Variants in KCNK10 observed in about 807,000 individuals in gnomAD.
KCNK10 encodes potassium channel subfamily K member 10.
KCNK10 carries 25 observed loss-of-function variants against 47.7 expected under a neutral mutation model. The observed-to-expected ratio is 0.52, with a 90% CI of 0.38 to 0.73. The LOEUF (loss-of-function observed/expected upper bound fraction) is 0.73. KCNK10 is among the 30% of genes least tolerant of loss of function. The pLI is 0.00. For missense variants in KCNK10, 563 were observed against 714.5 expected (o/e 0.79, Z 2.42); for synonymous variants, 303 against 285.6 (o/e 1.06, Z -0.61).
rs145929454 is a variant in KCNK10 at position 88,294,658 on chromosome 14, T to C, written c.52+28089A>G. On this transcript the variant is annotated intron_variant, in intron 1 of 6. Transcript: ENST00000319231. ...CAATCCAAATATACAAACGTCCTCATAGGGCTACATGGGCAAAGGACCACA... is the reference window on the plus strand; with the variant it reads ...CAATCCAAATATACAAACGTCCTCACAGGGCTACATGGGCAAAGGACCACA... 9.2e-4 allele frequency among the ~76,000 whole-genome samples: 140 copies of C among 152,312 alleles called. 2 individuals are homozygous for C. The highest frequency in any genetic ancestry group is 3.3e-3 in the South Asian group (16 of 4,826).
intron 2 of KCNK10, among the ~76,000 whole-genome samples, chr14:88,254,950 T>C (rs551054236): frequency 3.4e-4 from 52 of 152,324 alleles, no homozygotes; most frequent in African/African-American, 1.2e-3. Context: ...CTAGGTTCAC[T>C]CACTCCCCAC....
At chr14:88,263,166 A>T in intron 2 of KCNK10, 36 bp downstream of exon 2, 1 of 1,541,618 alleles carries the variant, frequency 6.5e-7, no homozygotes. Context: ...CATCCACCCC[A>T]CCAGCTGGCC....
At chr14:88,326,367 C>T, upstream of KCNK10, 1 of 1,534,878 alleles carries the variant, frequency 6.5e-7, no homozygotes, top group Non-Finnish European at 9.0e-7. Context: ...CAATCCCCCT[C>T]CATCCCCTTC....
intron 1 of KCNK10, among the ~76,000 whole-genome samples, chr14:88,275,693 CAAAAAAAA>C (rs71126972): frequency 5.0e-4 from 36 of 72,022 alleles, no homozygotes; most frequent in Non-Finnish European, 7.5e-4. Flanking sequence ...GCTAAAAATA[CAAAAAAAA>C]AAAAAAAAAA....
Position 88,192,300 on chromosome 14 carries a change from C to T in KCNK10, c.792G>A (p.Glu264=). 4 of 1,614,150 alleles carry T rather than the reference C, an allele frequency of 2.5e-6. No homozygotes were observed. The highest frequency in any genetic ancestry group is 3.4e-6 in the Non-Finnish European group (4 of 1,180,014). The change falls in exon 5 of 7, where the codon GAG becomes GAA. Residue 264 remains glutamate (E), a synonymous_variant. Coordinates refer to ENST00000319231, the MANE Select transcript of KCNK10 (RefSeq NM_138317.3). ...TIPAVIFKYI[E]GWTALESIYF... ...AAATGGACTCCAAGGCCGTCCAGCC[C>T]TCGATGTACTTAAAGATGACAGCAG...
chr14:88,281,329 G>A (rs1727450821), intron 1 of KCNK10, among the ~76,000 whole-genome samples: 1 of 152,178 alleles, frequency 6.6e-6, no homozygotes, highest in Admixed American at 6.5e-5. Flanking sequence ...CTGTGTCAGA[G>A]GATGCTTAGA....
At chr14:88,277,962 T>G (rs1887561919) in intron 1 of KCNK10, among the ~76,000 whole-genome samples, 1 of 152,210 alleles carries the variant, frequency 6.6e-6, no homozygotes, top group African/African-American at 2.4e-5. Context: ...CCAATCCCAG[T>G]GCACAGTGTA....
intron 4 of KCNK10, among the ~76,000 whole-genome samples, chr14:88,200,039 C>T (rs7155474): frequency 1.1e-4 from 16 of 141,974 alleles, no homozygotes; most frequent in African/African-American, 4.6e-4. Context: ...CTTTCTTTCT[C>T]TCTTTCTTTC....
chr14:88,324,613 GCTTA>G (rs1173845315), upstream of KCNK10, among the ~76,000 whole-genome samples: 1 of 152,124 alleles, frequency 6.6e-6, no homozygotes, highest in Non-Finnish European at 1.5e-5. Flanking sequence ...CCTTCATGGG[GCTTA>G]CTATCTAGTG....
At chr14:88,300,825 G>A (rs2139789711) in intron 1 of KCNK10, among the ~76,000 whole-genome samples, 1 of 150,248 alleles carries the variant, frequency 6.7e-6, no homozygotes. Flanking sequence ...AATTCAGAAG[G>A]TTTTGGACTG....
chr14:88,277,045 T>C (rs1024889098), intron 1 of KCNK10, among the ~76,000 whole-genome samples: 2 of 152,218 alleles, frequency 1.3e-5, no homozygotes, highest in African/African-American at 4.8e-5. Flanking sequence ...TTCTGTAGAA[T>C]GAGGTGTGCC....
intron 1 of KCNK10, among the ~76,000 whole-genome samples, chr14:88,313,393 A>G (rs1490830256): frequency 6.6e-6 from 1 of 152,230 alleles, no homozygotes; most frequent in East Asian, 1.9e-4. Flanking sequence ...ACTGGCGTCT[A>G]ATGAAAAGAA....
intron 1 of KCNK10, among the ~76,000 whole-genome samples, chr14:88,284,254 C>T (rs997718509): frequency 6.6e-6 from 1 of 152,130 alleles, no homozygotes; most frequent in Non-Finnish European, 1.5e-5. Flanking sequence ...TTTGCACTAA[C>T]TAGCCCTGTC....
intron 1 of KCNK10, among the ~76,000 whole-genome samples, chr14:88,310,782 AC>A: frequency 6.6e-6 from 1 of 152,188 alleles, no homozygotes; most frequent in South Asian, 2.1e-4. Flanking sequence ...ATGTTACAAT[AC>A]CTCTGGACAC....
intron 1 of KCNK10, among the ~76,000 whole-genome samples, chr14:88,313,276 A>C (rs1361236226): frequency 2.0e-5 from 3 of 152,196 alleles, no homozygotes; most frequent in Non-Finnish European, 4.4e-5. Context: ...ATAGGAAAAA[A>C]TTCTTACGGT....
At chr14:88,214,897 A>G (rs533828253) in intron 4 of KCNK10, among the ~76,000 whole-genome samples, 10 of 152,336 alleles carry the variant, frequency 6.6e-5, no homozygotes, top group African/African-American at 2.4e-4. Context: ...CCTCTGAGCC[A>G]TCAGATGCTA....
chr14:88,300,387 C>T (rs1311973921), intron 1 of KCNK10, among the ~76,000 whole-genome samples: 1 of 152,182 alleles, frequency 6.6e-6, no homozygotes, highest in African/African-American at 2.4e-5. Flanking sequence ...TTTCATCACT[C>T]CAATTACACT....
chr14:88,301,070 C>T (rs137892074), intron 1 of KCNK10, among the ~76,000 whole-genome samples: 125 of 152,252 alleles, frequency 8.2e-4, no homozygotes, highest in African/African-American at 2.9e-3. Context: ...AAACATTAAT[C>T]GAAAGCTACC....
At position 88,249,027 on chromosome 14, in the gene KCNK10, T is replaced by C. The variant is rs1886720396; in HGVS notation, c.403-8207A>G. ...AAAGTCCTCTCTTTTAACTCTAGCCTTCTATCTTCCACGAATAGTTCTCTG... is the reference window on the plus strand; with the variant it reads ...AAAGTCCTCTCTTTTAACTCTAGCCCTCTATCTTCCACGAATAGTTCTCTG... On this transcript the variant is annotated intron_variant, in intron 2 of 6. Transcript: ENST00000319231. Among the ~76,000 whole-genome samples the C allele has an allele frequency of 2.0e-5, 3 of 152,224 alleles. No homozygotes were observed. The East Asian group carries it at 5.8e-4, about 29-fold the overall frequency.
Sources: gnomAD v4.1 joint callset for allele counts (sites outside exome capture counted in the v4.1 genomes callset) on GRCh38, gnomAD v4.1.1 for gene constraint, MANE v1.5 for transcripts, NCBI Gene and HGNC (gene_info 2026-07-23, HGNC 2026-07-21) for gene names.